The following PCDHAC2 variants were observed in gnomAD, a reference collection of about 807,000 sequenced individuals.
The protein encoded by PCDHAC2 is protocadherin alpha-C2.
In PCDHAC2, 24 loss-of-function variants were observed where a neutral mutation model predicts 63.3. The observed-to-expected ratio is 0.38, with a 90% CI of 0.27 to 0.53. The LOEUF (loss-of-function observed/expected upper bound fraction) is 0.53, where lower values mean the gene tolerates loss of function less well. PCDHAC2 is among the 20% of genes least tolerant of loss of function. The pLI, the probability that PCDHAC2 is intolerant of heterozygous loss-of-function variation, is 0.81. For synonymous variants in PCDHAC2, 569 were observed against 529.4 expected (o/e 1.07, Z -1.03); for missense variants, 1,181 against 1,275.2 (o/e 0.93, Z 1.12).
intron 3 of PCDHAC2, among the ~76,000 whole-genome samples, chr5:140,991,200 A>C (rs2097437692): frequency 6.6e-6 from 1 of 152,234 alleles, no homozygotes; most frequent in Admixed American, 6.5e-5. Context: ...AATGATGCTC[A>C]ATAAATTTTG....
intron 3 of PCDHAC2, among the ~76,000 whole-genome samples, chr5:140,992,037 G>A (rs2153898781): frequency 6.6e-6 from 1 of 152,006 alleles, no homozygotes; most frequent in East Asian, 1.9e-4. Context: ...GTGTGTGTGT[G>A]TGTGTGTGTG....
intron 3 of PCDHAC2, among the ~76,000 whole-genome samples, chr5:140,993,515 G>T (rs1351377291): frequency 6.7e-6 from 1 of 149,364 alleles, no homozygotes; most frequent in East Asian, 1.9e-4. Context: ...CACACGGGGA[G>T]AGAGAGACAG....
In PCDHAC2 at chr5:140,968,168, A is replaced by T. The variant is rs145694919; in HGVS notation, c.1402A>T (p.Ser468Cys). ...EISDINDNPP[S>C]FLEDSYSIYI... ...CTCTGACATCAATGACAATCCACCA[A>T]GCTTCCTGGAGGACTCCTATTCCAT... The change falls in exon 1 of 4, where the codon AGC becomes TGC. Residue 468 changes from serine to cysteine, a missense_variant. Physicochemically the swap from Ser to Cys is moderately radical, Grantham distance 112. This residue lies in a region of PCDHAC2 where 968 missense variants were observed against 1,073.5 expected (regional missense o/e 0.90). Transcript: ENST00000289269. The T allele has an allele frequency of 3.1e-6, 5 of 1,614,098 alleles. No individual in the cohort carries two copies. Among genetic ancestry groups the T allele is most frequent in the Non-Finnish European group, 4.2e-6 (5 of 1,180,018 alleles).
intron 1 of PCDHAC2, among the ~76,000 whole-genome samples, chr5:140,977,523 C>G (rs1393138256): frequency 2.0e-5 from 3 of 152,070 alleles, no homozygotes; most frequent in African/African-American, 7.2e-5. Flanking sequence ...AACTTGAAAA[C>G]AAAGGAGGAA....
At chr5:140,983,168 C>G (rs2097030716) in intron 3 of PCDHAC2, among the ~76,000 whole-genome samples, 1 of 152,146 alleles carries the variant, frequency 6.6e-6, no homozygotes. Context: ...CCAAACATGA[C>G]CGCCTCACAA....
At chr5:140,978,922 C>A (rs569091265) in intron 1 of PCDHAC2, 27 bp from the exon 2 acceptor site, 7 of 1,613,966 alleles carry the variant, frequency 4.3e-6, no homozygotes, top group Non-Finnish European at 5.1e-6. Context: ...GTCATTTTAA[C>A]AGAAAACTCT....
At chr5:140,970,911 T>C (rs1003828575) in intron 1 of PCDHAC2, among the ~76,000 whole-genome samples, 2 of 152,194 alleles carry the variant, frequency 1.3e-5, no homozygotes, top group East Asian at 3.9e-4. Context: ...ATTTATTCAT[T>C]TATCAGAAGT....
chr5:140,992,154 C>T (rs2097495252), intron 3 of PCDHAC2, among the ~76,000 whole-genome samples: 1 of 151,952 alleles, frequency 6.6e-6, no homozygotes. Flanking sequence ...TTTGCTCAAT[C>T]AAGAAGTGTG....
chr5:141,000,737 G>A (rs1449947824), intron 3 of PCDHAC2, among the ~76,000 whole-genome samples: 21 of 149,738 alleles, frequency 1.4e-4, no homozygotes, highest in African/African-American at 5.0e-4. Context: ...CCCTATCTCT[G>A]TATATTAAAA....
Position 140,966,505 on chromosome 5 carries a change from A to T in PCDHAC2, c.-262A>T. 2.3e-6 allele frequency: 1 copy of T among 427,984 alleles called. No homozygotes were observed. Among genetic ancestry groups the T allele is most frequent in the Non-Finnish European group, 4.1e-6 (1 of 246,152 alleles). The allele number at this position is 427,984 out of a possible 1,614,324, so 26.5% of individuals were successfully genotyped here. A position where few individuals can be genotyped will look rare whatever the true frequency, so the allele number is the denominator to read the frequency against. ...TCCCTCCCCCTGGAGCTGTAGCGGC[A>T]GCAGCAGCAGGAAGCCGAGCCGGGT... On this transcript the variant is annotated 5_prime_UTR_variant, in exon 1 of 4. Transcript: ENST00000289269.
In PCDHAC2 at chr5:140,967,727, G is replaced by C; in HGVS notation, c.961G>C (p.Gly321Arg). 2 of 1,614,148 alleles carry C rather than the reference G, an allele frequency of 1.2e-6. No individual in the cohort carries two copies. The highest frequency in any genetic ancestry group is 1.7e-6 in the Non-Finnish European group (2 of 1,180,028). ...DASTGEVRVI[G>R]GLDYEEASSY... The stretch of plus-strand genomic sequence containing the variant: ...CAGTACCGGGGAAGTGCGAGTAATT[G>C]GGGGGCTGGATTATGAGGAAGCCTC... The change falls in exon 1 of 4, where the codon GGG becomes CGG. Residue 321 changes from glycine to arginine, a missense_variant. This residue lies in a region of PCDHAC2 where 968 missense variants were observed against 1,073.5 expected (regional missense o/e 0.90). Coordinates refer to ENST00000289269, the MANE Select transcript of PCDHAC2 (RefSeq NM_018899.6).
At chr5:141,004,839 C>G (rs1168305271) in intron 3 of PCDHAC2, among the ~76,000 whole-genome samples, 1 of 152,168 alleles carries the variant, frequency 6.6e-6, no homozygotes, top group Non-Finnish European at 1.5e-5. Context: ...AGATCAAAGT[C>G]ATTAGTCTCA....
At chr5:140,980,704 G>T (rs2153822525) in intron 2 of PCDHAC2, among the ~76,000 whole-genome samples, 1 of 151,890 alleles carries the variant, frequency 6.6e-6, no homozygotes, top group East Asian at 1.9e-4. Context: ...AGCCAAATGT[G>T]CTCCTATTCG....
intron 3 of PCDHAC2, among the ~76,000 whole-genome samples, chr5:140,983,980 G>A (rs1169839423): frequency 6.6e-6 from 1 of 152,286 alleles, no homozygotes; most frequent in African/African-American, 2.4e-5. Flanking sequence ...AAATATACGA[G>A]TTGAAGCAAT....
rs143656335 is a variant in PCDHAC2, at chr5:140,968,986, A to C, written c.2220A>C (p.Ala740=). The change falls in exon 1 of 4, where the codon GCA becomes GCC. Residue 740 remains alanine (A), a synonymous_variant. Transcript: ENST00000289269. ...KCYRYTAYGT[A]CCGGFCGVRE... is the part of the protein sequence containing the mutation. ...ACCGCTACACTGCGTATGGCACTGC[A>C]TGCTGTGGAGGCTTCTGTGGAGTAA... The C allele has an allele frequency of 6.8e-6, 11 of 1,614,206 alleles. No individual in the cohort carries two copies. Among genetic ancestry groups the C allele is most frequent in the East Asian group, 6.7e-5 (3 of 44,882 alleles).
Position 140,968,397 on chromosome 5 carries a change from A to G in PCDHAC2, c.1631A>G (p.Glu544Gly). 4.3e-6 allele frequency: 7 copies of G among 1,613,892 alleles called. No homozygotes were observed. Among genetic ancestry groups the G allele is most frequent in the Non-Finnish European group, 5.9e-6 (7 of 1,179,992 alleles). ...VNSFDYEKFR[E>G]FFVTVEAQDK... ...TCCTTTGACTATGAGAAGTTTCGGG[A>G]GTTCTTTGTGACTGTGGAGGCTCAG... The change falls in exon 1 of 4, where the codon GAG becomes GGG. Residue 544 changes from glutamate (E) to glycine (G), a missense_variant. Glu to Gly is a moderately conservative substitution (Grantham distance 98, BLOSUM62 -2). Around this residue, in one of 3 missense-constraint regions of PCDHAC2, gnomAD observed 968 missense variants for 1,073.5 expected, o/e 0.90. Coordinates refer to ENST00000289269, the MANE Select transcript of PCDHAC2 (RefSeq NM_018899.6).
In PCDHAC2 at chr5:140,967,889, C is replaced by T; in HGVS notation, c.1123C>T (p.Pro375Ser). 1 of 1,614,146 alleles carries T rather than the reference C, an allele frequency of 6.2e-7. No individual in the cohort carries two copies. The highest frequency in any genetic ancestry group is 8.5e-7 in the Non-Finnish European group (1 of 1,180,020). ...GCTCACGGACCTGTATAGCCCAGTGCCTGAGAATGCTACACCCAACACCAT... is the reference window on the plus strand; with the variant it reads ...GCTCACGGACCTGTATAGCCCAGTGTCTGAGAATGCTACACCCAACACCAT... ...VVLTDLYSPVPENATPNTIVA... is the reference protein window; with the variant it reads ...VVLTDLYSPVSENATPNTIVA... Residue 375 changes from proline to serine, a missense_variant, in exon 1 of 4, where the codon CCT becomes TCT. Pro to Ser is a moderately conservative substitution (Grantham distance 74, BLOSUM62 -1). Around this residue, in one of 3 missense-constraint regions of PCDHAC2, gnomAD observed 968 missense variants for 1,073.5 expected, o/e 0.90. Coordinates refer to ENST00000289269, the MANE Select transcript of PCDHAC2 (RefSeq NM_018899.6).
At chr5:140,991,183 A>G (rs3776108) in intron 3 of PCDHAC2, among the ~76,000 whole-genome samples, 7,613 of 152,310 alleles carry the variant, frequency 0.05, 238 homozygotes, top group South Asian at 0.11. Flanking sequence ...CAGGATGCCT[A>G]GCACACAATG....
chr5:140,983,329 A>G (rs1359569826), intron 3 of PCDHAC2, among the ~76,000 whole-genome samples: 8 of 152,228 alleles, frequency 5.3e-5, no homozygotes, highest in Admixed American at 6.5e-5. Flanking sequence ...TTCTTGCCCT[A>G]TCACTAAAGC....
Sources: gnomAD v4.1 joint callset for allele counts (sites outside exome capture counted in the v4.1 genomes callset) on GRCh38, gnomAD v4.1.1 for gene constraint, gnomAD v4.1.1 regional missense constraint, MANE v1.5 for transcripts, NCBI Gene and HGNC (gene_info 2026-07-23, HGNC 2026-07-21) for gene names.